Variants in ASIC2 observed in about 807,000 individuals in gnomAD.
The protein encoded by ASIC2 is acid sensing ion channel subunit 2.
ASIC2 carries 25 observed loss-of-function variants against 57.3 expected under a neutral mutation model. The observed-to-expected ratio is 0.44, with a 90% CI of 0.32 to 0.61. The LOEUF (loss-of-function observed/expected upper bound fraction) is 0.61. Among genes scored for constraint, ASIC2 ranks in the 20% least tolerant of loss-of-function variants. The pLI is 0.06. For missense variants in ASIC2, 641 were observed against 738.1 expected (o/e 0.87, Z 1.52); for synonymous variants, 319 against 307.5 (o/e 1.04, Z -0.39).
At chr17:33,394,979 A>T (rs1053039248) in intron 1 of ASIC2, among the ~76,000 whole-genome samples, 20 of 151,048 alleles carry the variant, frequency 1.3e-4, no homozygotes, top group African/African-American at 4.9e-4. Flanking sequence ...CCATTCACCC[A>T]TCCATCTATC....
rs116328090 is a variant in ASIC2, at chr17:33,071,655, G to A, written c.987+17208C>T. Among the ~76,000 whole-genome samples, 689 of 152,254 alleles carry A rather than the reference G, an allele frequency of 4.5e-3. 2 individuals carry two copies. The highest frequency in any genetic ancestry group is 0.013 in the African/African-American group (560 of 41,540). ...GATGTCATGAATTTTAACATGTTGG[G>A]TATTGAATTTTTTATATCCCTATAA... On this transcript the variant is annotated intron_variant, in intron 3 of 9. Coordinates refer to ENST00000225823, the MANE Select transcript of ASIC2 (RefSeq NM_183377.2).
intron 2 of ASIC2, among the ~76,000 whole-genome samples, chr17:33,104,979 C>T (rs1422205915): frequency 6.6e-6 from 1 of 152,184 alleles, no homozygotes; most frequent in East Asian, 1.9e-4. Context: ...CTAATGCAGG[C>T]TTCTCCCTCA....
intron 1 of ASIC2, among the ~76,000 whole-genome samples, chr17:33,612,315 C>A (rs1905437267): frequency 6.6e-6 from 1 of 152,130 alleles, no homozygotes; most frequent in Non-Finnish European, 1.5e-5. Flanking sequence ...AGGGCTGATA[C>A]CTGTGGTTCT....
At chr17:33,471,057 A>G (rs1361997408) in intron 1 of ASIC2, among the ~76,000 whole-genome samples, 2 of 152,246 alleles carry the variant, frequency 1.3e-5, no homozygotes, top group Non-Finnish European at 2.9e-5. Context: ...CAGGCCAGGT[A>G]GCTCAGAGAA....
intron 1 of ASIC2, among the ~76,000 whole-genome samples, chr17:34,090,290 G>A (rs1328895760): frequency 6.6e-6 from 1 of 152,186 alleles, no homozygotes; most frequent in Non-Finnish European, 1.5e-5. Context: ...AATGCCTGTA[G>A]GAGAGAACAA....
chr17:33,355,704 C>T (rs995934781), intron 1 of ASIC2, among the ~76,000 whole-genome samples: 1 of 152,156 alleles, frequency 6.6e-6, no homozygotes, highest in Non-Finnish European at 1.5e-5. Flanking sequence ...TTGACTTTAT[C>T]CTAATCATAG....
chr17:33,400,857 T>C (rs567552029), intron 1 of ASIC2, among the ~76,000 whole-genome samples: 101 of 152,238 alleles, frequency 6.6e-4, no homozygotes, highest in African/African-American at 2.4e-3. Flanking sequence ...CAAACAGGCA[T>C]CTCTGTTTTC....
chr17:33,454,229 G>C (rs928312585), intron 1 of ASIC2, among the ~76,000 whole-genome samples: 1 of 152,214 alleles, frequency 6.6e-6, no homozygotes, highest in Non-Finnish European at 1.5e-5. Context: ...AAAGAGACAG[G>C]AAGAGGCAGT....
intron 1 of ASIC2, among the ~76,000 whole-genome samples, chr17:34,031,508 T>C (rs559581804): frequency 3.3e-5 from 5 of 152,290 alleles, no homozygotes; most frequent in East Asian, 3.9e-4. Flanking sequence ...CAAAGCTGCA[T>C]GGACAATGAC....
chr17:34,086,452 C>T (rs1256706167), intron 1 of ASIC2, among the ~76,000 whole-genome samples: 2 of 152,074 alleles, frequency 1.3e-5, no homozygotes, highest in African/African-American at 4.8e-5. Context: ...GAGAGCTTTA[C>T]TTCCAACTAT....
intron 1 of ASIC2, among the ~76,000 whole-genome samples, chr17:33,400,290 A>G (rs575442973): frequency 5.3e-5 from 8 of 152,328 alleles, no homozygotes; most frequent in African/African-American, 1.7e-4. Context: ...AGATCTCATT[A>G]TAAGGAAGAA....
intron 3 of ASIC2, among the ~76,000 whole-genome samples, chr17:33,086,427 C>T (rs916123241): frequency 6.6e-6 from 1 of 152,198 alleles, no homozygotes; most frequent in Admixed American, 6.5e-5. Flanking sequence ...CCATGGACAA[C>T]TAATTAACAA....
chr17:33,708,538 C>A, intron 1 of ASIC2, among the ~76,000 whole-genome samples: 1 of 152,206 alleles, frequency 6.6e-6, no homozygotes, highest in East Asian at 1.9e-4. Flanking sequence ...TCTTTCTTCT[C>A]TTCCAGCTCT....
chr17:33,200,850 C>A (rs1906829823), intron 1 of ASIC2, among the ~76,000 whole-genome samples: 1 of 152,148 alleles, frequency 6.6e-6, no homozygotes, highest in Non-Finnish European at 1.5e-5. Context: ...TGCTAGATTC[C>A]TTACCACTGT....
intron 1 of ASIC2, among the ~76,000 whole-genome samples, chr17:33,531,144 G>A (rs1379310735): frequency 1.3e-5 from 2 of 151,932 alleles, no homozygotes; most frequent in Admixed American, 6.6e-5. Flanking sequence ...TTCAGGCCTC[G>A]ATCAGTAGAA....
intron 1 of ASIC2, among the ~76,000 whole-genome samples, chr17:33,969,541 G>A (rs1183842024): frequency 1.3e-5 from 2 of 152,198 alleles, no homozygotes; most frequent in Non-Finnish European, 2.9e-5. Flanking sequence ...AAAGGGGAAG[G>A]CAGGAAGCAA....
chr17:33,698,841 T>A (rs1358256194), intron 1 of ASIC2, among the ~76,000 whole-genome samples: 1 of 152,140 alleles, frequency 6.6e-6, no homozygotes, highest in African/African-American at 2.4e-5. Context: ...GCTCATTTCC[T>A]GGGAGCATGG....
chr17:34,132,680 C>G (rs753784913), intron 1 of ASIC2, among the ~76,000 whole-genome samples: 1 of 152,200 alleles, frequency 6.6e-6, no homozygotes, highest in Non-Finnish European at 1.5e-5. Context: ...GAAAAGTTCT[C>G]TAAGTCCCCA....
intron 1 of ASIC2, among the ~76,000 whole-genome samples, chr17:33,127,197 A>C (rs997824116): frequency 1.3e-5 from 2 of 152,148 alleles, no homozygotes; most frequent in Admixed American, 1.3e-4. Context: ...TTGTTGCTAG[A>C]GAAGCGGTGG....
Sources: allele counts gnomAD v4.1 joint callset (sites outside exome capture counted in the v4.1 genomes callset), GRCh38; gene constraint gnomAD v4.1.1; transcripts MANE v1.5; gene names NCBI Gene and HGNC (gene_info 2026-07-23, HGNC 2026-07-21).